UGT1A4: variants seen among roughly 807,000 people sequenced by gnomAD.
The protein encoded by UGT1A4 is UDP glucuronosyltransferase family 1 member A4.
UGT1A4 carries 32 observed loss-of-function variants against 41.1 expected under a neutral mutation model. The ratio of observed to expected loss-of-function variants is 0.78; its 90% CI spans 0.59 to 1.05. UGT1A4 has a LOEUF of 1.05. UGT1A4 is among the 50% of genes least tolerant of loss of function. The probability of loss-of-function intolerance (pLI) is 0.00; values close to 1 mark genes in which losing one functional copy is unlikely to be tolerated. For synonymous variants in UGT1A4, 283 were observed against 265.1 expected (o/e 1.07, Z -0.66); for missense variants, 748 against 677.4 (o/e 1.10, Z -1.16).
At chr2:233,720,833 G>A in intron 1 of UGT1A4, among the ~76,000 whole-genome samples, 1 of 150,462 alleles carries the variant, frequency 6.6e-6, no homozygotes, top group East Asian at 2.0e-4. Context: ...AGTCTCCTGA[G>A]TAACTGGGAC....
chr2:233,725,091 G>T (rs1474788345), intron 1 of UGT1A4, among the ~76,000 whole-genome samples: 2 of 144,822 alleles, frequency 1.4e-5, no homozygotes, highest in African/African-American at 5.2e-5. Context: ...GCAGGCTGAG[G>T]CAGGAGAATC....
At chr2:233,737,460 G>A (rs919499964) in intron 1 of UGT1A4, among the ~76,000 whole-genome samples, 1 of 152,212 alleles carries the variant, frequency 6.6e-6, no homozygotes, top group Non-Finnish European at 1.5e-5. Flanking sequence ...GGTACAGTCT[G>A]TCATGGCTCC....
chr2:233,726,552 G>A (rs2125720134), intron 1 of UGT1A4, among the ~76,000 whole-genome samples: 1 of 152,244 alleles, frequency 6.6e-6, no homozygotes, highest in African/African-American at 2.4e-5. Context: ...GCGTCTTCAA[G>A]TCTCCCACTC....
At chr2:233,760,488 C>T (rs2125984883) in intron 1 of UGT1A4, 1 of 1,614,254 alleles carries the variant, frequency 6.2e-7, no homozygotes, top group Non-Finnish European at 8.5e-7. Context: ...CCTCGTTGTA[C>T]ATCAGAGACG....
At chr2:233,722,752 T>C (rs982640918) in intron 1 of UGT1A4, among the ~76,000 whole-genome samples, 1 of 152,282 alleles carries the variant, frequency 6.6e-6, no homozygotes, top group Admixed American at 6.5e-5. Flanking sequence ...TGACTGTCTA[T>C]AAGGCTGTTA....
chr2:233,729,725 C>A (rs780989099), intron 1 of UGT1A4: 1 of 1,613,968 alleles, frequency 6.2e-7, no homozygotes, highest in East Asian at 2.2e-5. Flanking sequence ...TTACTAACAA[C>A]CAATTCAGAC....
In UGT1A4 at chr2:233,743,767, G is replaced by C. The variant is rs374421270; in HGVS notation, c.868-23267G>C. ...CGTCCGACAACACCTCGTAGGCCTCGGCCACCTGCTTGAATCTCCTCTCCG... is the reference window on the plus strand; with the variant it reads ...CGTCCGACAACACCTCGTAGGCCTCCGCCACCTGCTTGAATCTCCTCTCCG... On this transcript the variant is annotated intron_variant, in intron 1 of 4. Transcript: ENST00000373409. 1.6e-3 allele frequency: 2,161 copies of C among 1,367,298 alleles called. 5 individuals are homozygous for C. Among genetic ancestry groups the C allele is most frequent in the Non-Finnish European group, 2.0e-3 (2,052 of 1,021,846 alleles). 84.7% of individuals were successfully genotyped at this position (1,367,298 alleles called of 1,614,324 possible).
rs542881943 is a variant in UGT1A4, at chr2:233,729,093, G to A, written c.867+9406G>A. 7.1e-5 allele frequency: 115 copies of A among 1,612,640 alleles called. 3 individuals carry two copies. In the South Asian group the frequency reaches 1.2e-3, roughly 17 times the overall value. ...AGCAAATGTAGCAGGCACAGCGTGGGGTGGACAGTCAGCTGTCCGTGTCTT... is the reference window on the plus strand; with the variant it reads ...AGCAAATGTAGCAGGCACAGCGTGGAGTGGACAGTCAGCTGTCCGTGTCTT... On this transcript the variant is annotated intron_variant, in intron 1 of 4. Transcript: ENST00000373409.
intron 1 of UGT1A4, among the ~76,000 whole-genome samples, chr2:233,764,057 C>T (rs1242895801): frequency 1.3e-5 from 2 of 152,096 alleles, no homozygotes; most frequent in African/African-American, 4.8e-5. Context: ...AAATGAAATG[C>T]ATTTGGGAAG....
chr2:233,725,909 C>T (rs2077482916), intron 1 of UGT1A4, among the ~76,000 whole-genome samples: 1 of 152,102 alleles, frequency 6.6e-6, no homozygotes, highest in Admixed American at 6.5e-5. Flanking sequence ...CTCACACCTG[C>T]AATTTCAGCC....
intron 1 of UGT1A4, chr2:233,747,824 CAT>C: frequency 6.2e-7 from 1 of 1,613,548 alleles, no homozygotes; most frequent in Non-Finnish European, 8.5e-7. Context: ...ATTCAGACCA[CAT>C]GACATTCCTG....
intron 1 of UGT1A4, among the ~76,000 whole-genome samples, chr2:233,749,659 C>T (rs1400129008): frequency 6.6e-6 from 1 of 151,752 alleles, no homozygotes. Context: ...AATTGTAATC[C>T]CCATAATCCC....
Position 233,772,910 on chromosome 2 carries a change from T to C in UGT1A4, c.*351T>C. Reference sequence around the variant, plus strand: ...AAGGTGGTCCCACGGCTGCCCCTACTGCAAATGGCAGTTTTAATCTTATCT... The same window carrying C: ...AAGGTGGTCCCACGGCTGCCCCTACCGCAAATGGCAGTTTTAATCTTATCT... On this transcript the variant is annotated 3_prime_UTR_variant, in exon 5 of 5. Coordinates refer to ENST00000373409, the MANE Select transcript of UGT1A4 (RefSeq NM_007120.3). The C allele has an allele frequency of 2.5e-6, 1 of 393,908 alleles. No individual in the cohort carries two copies. Among genetic ancestry groups the C allele is most frequent in the Non-Finnish European group, 4.4e-6 (1 of 225,416 alleles). 24.4% of individuals were successfully genotyped at this position (393,908 alleles called of 1,614,324 possible). A position where few individuals can be genotyped will look rare whatever the true frequency, so the allele number is the denominator to read the frequency against.
intron 1 of UGT1A4, among the ~76,000 whole-genome samples, chr2:233,720,156 G>A (rs547433908): frequency 5.6e-4 from 86 of 152,302 alleles, no homozygotes; most frequent in Non-Finnish European, 7.8e-4. Context: ...ACAGGAAGTA[G>A]AAGTGTCAAA....
intron 1 of UGT1A4, among the ~76,000 whole-genome samples, chr2:233,739,832 A>C (rs1448736467): frequency 1.3e-5 from 2 of 152,016 alleles, no homozygotes; most frequent in Non-Finnish European, 2.9e-5. Flanking sequence ...GTGAAAAGAC[A>C]TGAGATTTGG....
At chr2:233,742,506 T>C (rs1389190553) in intron 1 of UGT1A4, among the ~76,000 whole-genome samples, 1 of 151,946 alleles carries the variant, frequency 6.6e-6, no homozygotes, top group East Asian at 1.9e-4. Flanking sequence ...ATGGCTATCA[T>C]GAACACGTCA....
At chr2:233,721,825 G>T in intron 1 of UGT1A4, 1 of 515,562 alleles carries the variant, frequency 1.9e-6, no homozygotes, top group Non-Finnish European at 3.9e-6. Context: ...ACCCTATTTG[G>T]GCCACCGACC....
intron 1 of UGT1A4, among the ~76,000 whole-genome samples, chr2:233,727,538 C>T (rs1400378467): frequency 2.6e-5 from 4 of 152,150 alleles, no homozygotes; most frequent in African/African-American, 7.2e-5. Context: ...CAGGCGTGTT[C>T]CACCCGTCAC....
At chr2:233,737,500 C>T (rs2078887926) in intron 1 of UGT1A4, among the ~76,000 whole-genome samples, 1 of 152,232 alleles carries the variant, frequency 6.6e-6, no homozygotes, top group South Asian at 2.1e-4. Flanking sequence ...ATCCCTCACC[C>T]TCTTGCACTT....
Sources: gnomAD v4.1 joint callset for allele counts (sites outside exome capture counted in the v4.1 genomes callset) on GRCh38, gnomAD v4.1.1 for gene constraint, MANE v1.5 for transcripts, NCBI Gene and HGNC (gene_info 2026-07-23, HGNC 2026-07-21) for gene names.